The following KCNAB1 variants were observed in gnomAD, a reference collection of about 807,000 sequenced individuals.
KCNAB1 encodes potassium voltage-gated channel subfamily A regulatory beta subunit 1.
KCNAB1 carries 35 observed loss-of-function variants against 64.6 expected under a neutral mutation model. That is an observed-to-expected ratio of 0.54 (90% CI 0.41 to 0.72). KCNAB1 has a LOEUF of 0.72. Ranked by LOEUF, KCNAB1 falls within the 30% of genes least tolerant of loss-of-function variation. The pLI is 0.00. For synonymous variants in KCNAB1, 177 were observed against 183.8 expected, an observed-to-expected ratio of 0.96 and a Z score of 0.30; for missense variants, 401 against 512.9, an observed-to-expected ratio of 0.78 and a Z score of 2.11.
rs111816588 is a variant in KCNAB1 at position 156,411,987 on chromosome 3, A to G, written c.276-9629A>G. Among the ~76,000 whole-genome samples the G allele has an allele frequency of 1.6e-3, 251 of 152,326 alleles. 2 individuals are homozygous for G. The highest frequency in any genetic ancestry group is 5.8e-3 in the African/African-American group (240 of 41,584). On this transcript the variant is annotated intron_variant, in intron 1 of 13. Transcript: ENST00000490337. Reference sequence around the variant, plus strand: ...ATTGAGGGGAATTAACATCTTAGCCATATTGAGTCATGCAGTCCATGAAAA... The same window carrying G: ...ATTGAGGGGAATTAACATCTTAGCCGTATTGAGTCATGCAGTCCATGAAAA...
chr3:156,380,447 A>C (rs1712064286), intron 1 of KCNAB1, among the ~76,000 whole-genome samples: 2 of 152,344 alleles, frequency 1.3e-5, no homozygotes, highest in Middle Eastern at 3.4e-3. Flanking sequence ...TAGATTTAAG[A>C]ATACTTAAAA....
At position 156,387,014 on chromosome 3, in the gene KCNAB1, C is replaced by CTCTTTTTTTTTTTTTTTTTTT. The variant is rs60888308; in HGVS notation, c.276-34601_276-34600insCTTTTTTTTTTTTTTTTTTTT. Among the ~76,000 whole-genome samples, 77 of 90,492 alleles carry CTCTTTTTTTTTTTTTTTTTTT rather than the reference C, an allele frequency of 8.5e-4. 6 individuals are homozygous for CTCTTTTTTTTTTTTTTTTTTT. Among genetic ancestry groups the CTCTTTTTTTTTTTTTTTTTTT allele is most frequent in the African/African-American group, 1.6e-3 (29 of 18,366 alleles). The allele number at this position is 90,492 out of a possible 152,430, so 59.4% of individuals were successfully genotyped here. On this transcript the variant is annotated intron_variant, in intron 1 of 13. Transcript: ENST00000490337. ...TCTTGCTTGCTTGCTTTCTCTCTCTCTTTTTTTTTTTTTTTTTTTTGCCTG... is the reference window on the plus strand; with the variant it reads ...TCTTGCTTGCTTGCTTTCTCTCTCTCTCTTTTTTTTTTTTTTTTTTTTTTTTTTTTTTTTTTTTTTTGCCTG...
At chr3:156,401,532 CG>C (rs749806215) in intron 1 of KCNAB1, among the ~76,000 whole-genome samples, 6 of 152,190 alleles carry the variant, frequency 3.9e-5, no homozygotes, top group Non-Finnish European at 7.3e-5. Context: ...TCTGGCCCCT[CG>C]ATGTCCAAGT....
chr3:156,502,301 G>T (rs147354915), intron 8 of KCNAB1, among the ~76,000 whole-genome samples: 52 of 152,208 alleles, frequency 3.4e-4, no homozygotes, highest in Non-Finnish European at 6.5e-4. Context: ...TGAAACCTCA[G>T]TAATTAAGGA....
At chr3:156,276,769 G>A (rs1719373866) in intron 1 of KCNAB1, among the ~76,000 whole-genome samples, 1 of 152,100 alleles carries the variant, frequency 6.6e-6, no homozygotes, top group South Asian at 2.1e-4. Context: ...CCTTGCTCTG[G>A]ATTGTGCTTT....
chr3:156,292,028 C>T lies in KCNAB1; in HGVS notation c.276-129588C>T, dbSNP rs758060549. The T allele has an allele frequency of 4.0e-5, 64 of 1,614,148 alleles. 1 individual carries two copies. Among genetic ancestry groups the T allele is most frequent in the Non-Finnish European group, 5.0e-5 (59 of 1,180,024 alleles). The stretch of plus-strand genomic sequence containing the variant: ...GGTGAACGCAGCCCGGGCCAAATTC[C>T]GCACGGTCGCTATCATCGCGCGCAG... On this transcript the variant is annotated intron_variant, in intron 1 of 13. Coordinates refer to ENST00000490337, the MANE Select transcript of KCNAB1 (RefSeq NM_172160.3).
chr3:156,378,864 C>G (rs1576793510), intron 1 of KCNAB1, among the ~76,000 whole-genome samples: 1 of 152,072 alleles, frequency 6.6e-6, no homozygotes, highest in Non-Finnish European at 1.5e-5. Context: ...GGAGCAGGGA[C>G]CCAAAAACAG....
At chr3:156,509,153 A>C (rs905624345) in intron 8 of KCNAB1, among the ~76,000 whole-genome samples, 1 of 152,232 alleles carries the variant, frequency 6.6e-6, no homozygotes, top group African/African-American at 2.4e-5. Flanking sequence ...GTACTAAGGC[A>C]AATAACTAAA....
intron 1 of KCNAB1, among the ~76,000 whole-genome samples, chr3:156,377,082 T>G (rs1260279068): frequency 6.6e-6 from 1 of 152,130 alleles, no homozygotes; most frequent in Non-Finnish European, 1.5e-5. Flanking sequence ...ATTCTAAGGA[T>G]GTATCTGGTT....
At chr3:156,265,948 C>G (rs1300049162) in intron 1 of KCNAB1, among the ~76,000 whole-genome samples, 1 of 152,100 alleles carries the variant, frequency 6.6e-6, no homozygotes, top group Non-Finnish European at 1.5e-5. Flanking sequence ...GTCGAGATTG[C>G]ACCACTGCAC....
At chr3:156,309,152 A>G (rs930623950) in intron 1 of KCNAB1, among the ~76,000 whole-genome samples, 1 of 152,206 alleles carries the variant, frequency 6.6e-6, no homozygotes, top group African/African-American at 2.4e-5. Flanking sequence ...CTCTGGCTCC[A>G]TACTGAGTTG....
chr3:156,125,866 A>ATT (rs1713624967), intron 1 of KCNAB1, among the ~76,000 whole-genome samples: 1 of 152,210 alleles, frequency 6.6e-6, no homozygotes, highest in African/African-American at 2.4e-5. Flanking sequence ...TTATGAAAGC[A>ATT]TCTTAATTGA....
At chr3:156,219,308 C>G (rs752911415) in intron 1 of KCNAB1, among the ~76,000 whole-genome samples, 3 of 151,568 alleles carry the variant, frequency 2.0e-5, no homozygotes, top group Non-Finnish European at 4.4e-5. Context: ...CAGAGAAATG[C>G]AAAATGCCCT....
At chr3:156,524,679 G>A (rs767352464) in intron 12 of KCNAB1, among the ~76,000 whole-genome samples, 14 of 146,980 alleles carry the variant, frequency 9.5e-5, no homozygotes, top group African/African-American at 3.3e-4. Flanking sequence ...CCCGAGTGGC[G>A]GAGCTTGCAG....
intron 8 of KCNAB1, among the ~76,000 whole-genome samples, chr3:156,505,200 G>A (rs547643702): frequency 4.6e-5 from 7 of 152,200 alleles, no homozygotes; most frequent in Admixed American, 3.9e-4. Context: ...TGGAACCTTT[G>A]TCAAAAATCT....
chr3:156,183,182 G>T (rs960799317), intron 1 of KCNAB1, among the ~76,000 whole-genome samples: 1 of 152,110 alleles, frequency 6.6e-6, no homozygotes, highest in South Asian at 2.1e-4. Context: ...CCACGACAAG[G>T]GGTGGAGTTG....
At chr3:156,529,317 C>T (rs1376392686) in intron 12 of KCNAB1, among the ~76,000 whole-genome samples, 2 of 152,070 alleles carry the variant, frequency 1.3e-5, no homozygotes, top group Non-Finnish European at 2.9e-5. Context: ...CAGTGGCTGC[C>T]TGGTACTTGA....
At chr3:156,198,746 C>CTT (rs34192409) in intron 1 of KCNAB1, among the ~76,000 whole-genome samples, 116,196 of 150,016 alleles carry the variant, frequency 0.77, 45,176 homozygotes, top group East Asian at 0.9. Flanking sequence ...GGTCTTGACT[C>CTT]TATCCAATTT....
Position 156,317,039 on chromosome 3 carries a change from A to G in KCNAB1, c.276-104577A>G, listed in dbSNP as rs188749891. Among the ~76,000 whole-genome samples, 500 of 152,292 alleles carry G rather than the reference A, an allele frequency of 3.3e-3. 9 individuals carry two copies. In the South Asian group the frequency reaches 0.034, roughly 10 times the overall value. ...AGAGCATAAGTTCTCAATAAATGTT[A>G]GTTGTTAGAATGATTCTTCTTATTA... On this transcript the variant is annotated intron_variant, in intron 1 of 13. Coordinates refer to ENST00000490337, the MANE Select transcript of KCNAB1 (RefSeq NM_172160.3).
Sources: allele counts gnomAD v4.1 joint callset (sites outside exome capture counted in the v4.1 genomes callset), GRCh38; gene constraint gnomAD v4.1.1; transcripts MANE v1.5; gene names NCBI Gene and HGNC (gene_info 2026-07-23, HGNC 2026-07-21).